Variants in STRN3 observed in about 807,000 individuals in gnomAD.
The protein encoded by STRN3 is striatin 3, also known as striatin-3.
In STRN3, 29 loss-of-function variants were observed where a neutral mutation model predicts 95.6. The ratio of observed to expected loss-of-function variants is 0.30; its 90% confidence interval spans 0.23 to 0.41. STRN3 has a LOEUF of 0.41. Ranked by LOEUF, STRN3 falls within the 10% of genes least tolerant of loss-of-function variation. STRN3 has a pLI of 1.00. For synonymous variants in STRN3, 331 were observed against 357.6 expected, an observed-to-expected ratio of 0.93 and a Z score of 0.84; for missense variants, 890 against 972.1, an observed-to-expected ratio of 0.92 and a Z score of 1.12.
At chr14:30,963,087 C>T (rs552409482) in intron 1 of STRN3, among the ~76,000 whole-genome samples, 92 of 124,670 alleles carry the variant, frequency 7.4e-4, no homozygotes, top group African/African-American at 1.9e-3. Flanking sequence ...CACATGACTA[C>T]GCTAATAATG....
rs558199025 is a variant in STRN3, at chr14:30,972,415, C to G, written c.283-16173G>C. 4.6e-5 allele frequency among the ~76,000 whole-genome samples: 7 copies of G among 152,326 alleles called. No homozygotes were observed. In the South Asian group the frequency reaches 1.2e-3, roughly 27 times the overall value. ...CACATGCATCAGGGATAAAGAACCCCTTCCCCTCCCTTGTCCAAGTGTACG... is the reference window on the plus strand; with the variant it reads ...CACATGCATCAGGGATAAAGAACCCGTTCCCCTCCCTTGTCCAAGTGTACG... On this transcript the variant is annotated intron_variant, in intron 1 of 17. Transcript: ENST00000357479.
At chr14:30,944,572 C>CATGTATATATATATATAT in intron 5 of STRN3, among the ~76,000 whole-genome samples, 1 of 41,450 alleles carries the variant, frequency 2.4e-5, no homozygotes, top group African/African-American at 9.5e-5. Context: ...TATATATATA[C>CATGTATATATATATATAT]ACACACAGAC....
At chr14:31,025,496 C>G (rs990488971) in intron 1 of STRN3, 1 of 209,266 alleles carries the variant, frequency 4.8e-6, no homozygotes, top group African/African-American at 2.4e-5. Context: ...CTATCCTAGT[C>G]CCTCTCTTCG....
intron 1 of STRN3, among the ~76,000 whole-genome samples, chr14:30,989,872 G>T (rs1881870290): frequency 1.3e-5 from 2 of 152,100 alleles, no homozygotes; most frequent in South Asian, 4.1e-4. Flanking sequence ...CCATATCTAT[G>T]AAATGGGATG....
chr14:30,992,863 A>C (rs568423825), intron 1 of STRN3, among the ~76,000 whole-genome samples: 2 of 152,066 alleles, frequency 1.3e-5, no homozygotes, highest in Admixed American at 1.3e-4. Flanking sequence ...CAAACAAACA[A>C]AATAGTGGGG....
intron 3 of STRN3, among the ~76,000 whole-genome samples, chr14:30,951,973 C>T (rs1446871155): frequency 6.6e-6 from 1 of 152,090 alleles, no homozygotes; most frequent in East Asian, 1.9e-4. Context: ...CAAAAGTTAG[C>T]CAGGTATGGC....
At chr14:30,900,443 C>CGGGGGGGGGGG (rs71112349) in intron 16 of STRN3, among the ~76,000 whole-genome samples, 1 of 52,368 alleles carries the variant, frequency 1.9e-5, no homozygotes, top group African/African-American at 8.9e-5. Context: ...GGGTGTGGGG[C>CGGGGGGGGGGG]GGGGGGGGGC....
At position 30,954,459 on chromosome 14, in the gene STRN3, C is replaced by CT. The variant is rs552629461; in HGVS notation, c.460+1160_460+1161insA. Among the ~76,000 whole-genome samples, 339 of 152,122 alleles carry CT rather than the reference C, an allele frequency of 2.2e-3. 1 individual carries two copies. The highest frequency in any genetic ancestry group is 4.0e-3 in the Non-Finnish European group (274 of 68,012). On this transcript the variant is annotated intron_variant, in intron 3 of 17. Transcript: ENST00000357479. ...ACATTGTTTCATTTAATATTATCTC[C>CT]ATATATACTCTGACATAAATAATTT...
chr14:30,939,300 T>G (rs1878979093), intron 5 of STRN3, among the ~76,000 whole-genome samples: 1 of 152,122 alleles, frequency 6.6e-6, no homozygotes, highest in Non-Finnish European at 1.5e-5. Context: ...CACAGGATGT[T>G]TAGAAACAGA....
intron 16 of STRN3, among the ~76,000 whole-genome samples, chr14:30,900,747 CAAAA>C (rs57963139): frequency 5.3e-5 from 7 of 132,018 alleles, no homozygotes; most frequent in Non-Finnish European, 6.5e-5. Context: ...AAGACTGGCT[CAAAA>C]AAAAAAAAAA....
rs118090003 is a variant in STRN3 at position 30,974,314 on chromosome 14, C to A, written c.283-18072G>T. Among the ~76,000 whole-genome samples the A allele has an allele frequency of 1.8e-3, 277 of 152,096 alleles. 5 individuals carry two copies. In the East Asian group the frequency reaches 0.032, roughly 18 times the overall value. On this transcript the variant is annotated intron_variant, in intron 1 of 17. Coordinates refer to ENST00000357479, the MANE Select transcript of STRN3 (RefSeq NM_001083893.2). Reference sequence around the variant, plus strand: ...CAATCTGAAAAGGTAATTAAGAAAACAATTCCATTCACAATAGCATCAAAA... The same window carrying A: ...CAATCTGAAAAGGTAATTAAGAAAAAAATTCCATTCACAATAGCATCAAAA...
chr14:30,978,534 T>C (rs566367677), intron 1 of STRN3, among the ~76,000 whole-genome samples: 1 of 152,284 alleles, frequency 6.6e-6, no homozygotes, highest in Non-Finnish European at 1.5e-5. Context: ...AAGTAGATGC[T>C]TTTCCCCCTA....
At chr14:30,913,726 A>C in intron 9 of STRN3, 69 bp from the exon 10 acceptor site, 1 of 1,507,508 alleles carries the variant, frequency 6.6e-7, no homozygotes, top group Non-Finnish European at 8.9e-7. Flanking sequence ...TGTGGGGAAA[A>C]TTTAAGCACT....
intron 8 of STRN3, among the ~76,000 whole-genome samples, chr14:30,921,065 T>TACACACACACACAC (rs1374593800): frequency 9.1e-4 from 81 of 89,234 alleles, no homozygotes; most frequent in African/African-American, 2.8e-3. Flanking sequence ...TTTCTACACA[T>TACACACACACACAC]ACATATACAC....
At chr14:30,984,390 C>T (rs10459469) in intron 1 of STRN3, among the ~76,000 whole-genome samples, 24,055 of 149,184 alleles carry the variant, frequency 0.16, 2,219 homozygotes, top group South Asian at 0.39. Context: ...GGCAACAGAG[C>T]GAGACTCCAT....
chr14:30,900,444 G>GGC (rs1364691296), intron 16 of STRN3, among the ~76,000 whole-genome samples: 3 of 81,750 alleles, frequency 3.7e-5, no homozygotes, highest in Non-Finnish European at 6.3e-5. Flanking sequence ...GGTGTGGGGC[G>GGC]GGGGGGGGCG....
chr14:31,013,558 G>A (rs1368342109), intron 1 of STRN3, among the ~76,000 whole-genome samples: 4 of 151,960 alleles, frequency 2.6e-5, no homozygotes, highest in Non-Finnish European at 4.4e-5. Flanking sequence ...CAGGATCATG[G>A]TGAGTATAAG....
Position 30,950,814 on chromosome 14 carries a change from C to A in STRN3, c.542+49G>T, listed in dbSNP as rs761407394. On this transcript the variant is annotated intron_variant, in intron 4 of 17. Transcript: ENST00000357479. ...CTTGTAAAGTGATTCAGTATAAGCA[C>A]TTTCATACCTAGATCCTTAAAGAAG... The A allele has an allele frequency of 2.6e-6, 4 of 1,552,338 alleles. No homozygotes were observed. The South Asian group carries it at 4.6e-5, about 18-fold the overall frequency.
At chr14:30,977,176 A>G (rs200208030) in intron 1 of STRN3, among the ~76,000 whole-genome samples, 30 of 152,282 alleles carry the variant, frequency 2.0e-4, no homozygotes, top group African/African-American at 6.7e-4. Flanking sequence ...CAGTGAGCAG[A>G]TATCGTGCCA....
Sources: gnomAD v4.1 joint callset for allele counts (sites outside exome capture counted in the v4.1 genomes callset) on GRCh38, gnomAD v4.1.1 for gene constraint, MANE v1.5 for transcripts, NCBI Gene and HGNC (gene_info 2026-07-23, HGNC 2026-07-21) for gene names.